The following MAP7D1 variants were observed in gnomAD, a reference collection of about 807,000 sequenced individuals.
The protein encoded by MAP7D1 is MAP7 domain-containing protein 1.
In MAP7D1, 30 loss-of-function variants were observed where a neutral mutation model predicts 97.5. The observed-to-expected ratio is 0.31, with a 90% CI of 0.23 to 0.42. MAP7D1 has a LOEUF of 0.42. Among genes scored for constraint, MAP7D1 ranks in the 10% least tolerant of loss-of-function variants. The pLI is 1.00. For missense variants in MAP7D1, 1,184 were observed against 1,179.5 expected, an observed-to-expected ratio of 1.00 and a Z score of -0.06; for synonymous variants, 536 against 477.1, an observed-to-expected ratio of 1.12 and a Z score of -1.61.
At chr1:36,175,056 C>A in intron 6 of MAP7D1, 48 bp downstream of exon 6, 1 of 1,272,870 alleles carries the variant, frequency 7.9e-7, no homozygotes, top group Non-Finnish European at 1.1e-6. Flanking sequence ...TTGTAGCTCC[C>A]ACCAAGCCTC....
chr1:36,161,731 CTG>C (rs1170709945), intron 1 of MAP7D1, among the ~76,000 whole-genome samples: 1 of 152,024 alleles, frequency 6.6e-6, no homozygotes, highest in Non-Finnish European at 1.5e-5. Context: ...CATTGTGTCT[CTG>C]TGTGCTGTGT....
chr1:36,179,180 A>AGGCC, intron 12 of MAP7D1, 82 bp from the exon 13 acceptor site: 3 of 1,548,838 alleles, frequency 1.9e-6, no homozygotes, highest in South Asian at 1.1e-5. Context: ...AGGCCCTAAG[A>AGGCC]CTCCGAGGCC....
chr1:36,172,659 A>C, intron 4 of MAP7D1, 32 bp downstream of exon 4: 2 of 1,512,740 alleles, frequency 1.3e-6, no homozygotes, highest in Admixed American at 3.8e-5. Flanking sequence ...ATCCATGTAC[A>C]CGTGTGCTCA....
In MAP7D1 at chr1:36,176,880, G is replaced by A. The variant is rs781077092; in HGVS notation, c.1379+38G>A. 2.0e-6 allele frequency: 3 copies of A among 1,512,220 alleles called. No homozygotes were observed. Among genetic ancestry groups the A allele is most frequent in the African/African-American group, 1.4e-5 (1 of 72,168 alleles). 93.7% of individuals were successfully genotyped at this position (1,512,220 alleles called of 1,614,324 possible). ...GGTGCGAGGGACCCTGCCCCTCACCGGGTCATTTATTCATCACCCACAAAT... is the reference window on the plus strand; with the variant it reads ...GGTGCGAGGGACCCTGCCCCTCACCAGGTCATTTATTCATCACCCACAAAT... On this transcript the variant is annotated intron_variant, in intron 8 of 16. Coordinates refer to ENST00000474796, the MANE Select transcript of MAP7D1 (RefSeq NM_001388490.1). This position sits in a 1 kb window ranked among gnomAD's most constrained non-coding sequence, Gnocchi z 6.1.
chr1:36,164,413 A>G (rs1281400788), intron 1 of MAP7D1, among the ~76,000 whole-genome samples: 1 of 152,196 alleles, frequency 6.6e-6, no homozygotes, highest in Non-Finnish European at 1.5e-5. Flanking sequence ...TGAAACCATG[A>G]CTATATACAA....
intron 3 of MAP7D1, 141 bp downstream of exon 3, chr1:36,171,722 C>T: frequency 2.6e-6 from 2 of 776,620 alleles, no homozygotes; most frequent in Non-Finnish European, 4.2e-6. Flanking sequence ...CACCTGAGGT[C>T]AGGAGTTTGA....
At chr1:36,157,807 G>A (rs975154639) in intron 1 of MAP7D1, among the ~76,000 whole-genome samples, 11 of 152,214 alleles carry the variant, frequency 7.2e-5, no homozygotes, top group African/African-American at 2.4e-4. Flanking sequence ...GACTGTCTGG[G>A]TGTGGGACCT....
Position 36,179,025 on chromosome 1 carries a change from GGT to G in MAP7D1, c.2130+4_2130+5del. ...AGCAAGAGCGGCAAGAGCGCAGAAA[GGT>G]GTGCGGACCTGGGCGGGGATTTGTG... On this transcript the variant is annotated splice_donor_variant, in intron 12 of 16. Coordinates refer to ENST00000474796, the MANE Select transcript of MAP7D1 (RefSeq NM_001388490.1). LOFTEE classifies it high-confidence loss of function. 6.4e-7 allele frequency: 1 copy of G among 1,552,864 alleles called. No individual in the cohort carries two copies. Among genetic ancestry groups the G allele is most frequent in the Non-Finnish European group, 8.7e-7 (1 of 1,148,270 alleles).
At position 36,180,060 on chromosome 1, in the gene MAP7D1, G is replaced by A; in HGVS notation, c.2505G>A (p.Gln835=). 1 of 1,613,802 alleles carries A rather than the reference G, an allele frequency of 6.2e-7. No individual in the cohort carries two copies. Among genetic ancestry groups the A allele is most frequent in the Non-Finnish European group, 8.5e-7 (1 of 1,179,826 alleles). ...FLKKAVVQSP[Q]VTEVL Reference sequence around the variant, plus strand: ...AGAAAGCTGTGGTGCAGTCCCCGCAGGTCACAGGTAGATCTCCTGATTCCT... The same window carrying A: ...AGAAAGCTGTGGTGCAGTCCCCGCAAGTCACAGGTAGATCTCCTGATTCCT... Residue 835 remains glutamine, a synonymous_variant, in exon 16 of 17, where the codon CAG becomes CAA. Coordinates refer to ENST00000474796, the MANE Select transcript of MAP7D1 (RefSeq NM_001388490.1).
chr1:36,161,877 A>ATGTGTGTGTGTGTGTG (rs10531948), intron 1 of MAP7D1, among the ~76,000 whole-genome samples: 13 of 139,140 alleles, frequency 9.3e-5, no homozygotes, highest in African/African-American at 3.3e-4. Context: ...GTGTGTGTGT[A>ATGTGTGTGTGTGTGTG]TGTGTGTGTG....
At chr1:36,162,445 T>C (rs1045754786) in intron 1 of MAP7D1, among the ~76,000 whole-genome samples, 2 of 152,220 alleles carry the variant, frequency 1.3e-5, no homozygotes, top group African/African-American at 4.8e-5. Flanking sequence ...GTAATGTGAC[T>C]GCCTACCAGA....
chr1:36,177,681 T>A, intron 8 of MAP7D1, 192 bp from the exon 9 acceptor site: 1 of 852,900 alleles, frequency 1.2e-6, no homozygotes, highest in Non-Finnish European at 1.8e-6. Flanking sequence ...AATCAAAGAA[T>A]CCCACAGAAA....
chr1:36,179,762 A>G lies in MAP7D1; in HGVS notation c.2318+6A>G, dbSNP rs370460966. ...CCACAGGAGCCTCAGTGGAGGTACCAGCTTCCAATCCCAGGGTCCCTGAGC... is the reference window on the plus strand; with the variant it reads ...CCACAGGAGCCTCAGTGGAGGTACCGGCTTCCAATCCCAGGGTCCCTGAGC... On this transcript the variant is annotated splice_donor_region_variant and intron_variant, in intron 15 of 16. Transcript: ENST00000474796. 5.5e-5 allele frequency: 85 copies of G among 1,533,268 alleles called. No homozygotes were observed. The African/African-American group carries it at 1.0e-3, about 18-fold the overall frequency. The allele number at this position is 1,533,268 out of a possible 1,614,324, so 95.0% of individuals were successfully genotyped here.
In MAP7D1 at chr1:36,171,162, G is replaced by GC. The variant is rs765962881; in HGVS notation, c.245dup (p.Gln83AlafsTer8). The GC allele has an allele frequency of 7.4e-6, 12 of 1,613,298 alleles. No individual in the cohort carries two copies. The highest frequency in any genetic ancestry group is 1.7e-6 in the Non-Finnish European group (2 of 1,179,664). ...CTCAGGGCAGGTCGGGCCTAGGCCAGCCCCCCCGCAGGAAGAGTCCCCTTC... is the reference window on the plus strand; with the variant it reads ...CTCAGGGCAGGTCGGGCCTAGGCCAGCCCCCCCCGCAGGAAGAGTCCCCTTC... On this transcript the variant is annotated frameshift_variant, in exon 2 of 17. Transcript: ENST00000474796. LOFTEE classifies it high-confidence loss of function.
Position 36,178,904 on chromosome 1 carries a change from A to G in MAP7D1, c.2026-17A>G. 1.9e-6 allele frequency: 3 copies of G among 1,551,674 alleles called. No homozygotes were observed. Among genetic ancestry groups the G allele is most frequent in the Non-Finnish European group, 2.6e-6 (3 of 1,147,292 alleles). ...GGCTGGAGTCAAGTGCCCCACGCTC[A>G]TGGGGGTCTTTGGCAGAAAGAGGAG... On this transcript the variant is annotated splice_polypyrimidine_tract_variant and intron_variant, in intron 11 of 16. Transcript: ENST00000474796.
Position 36,179,036 on chromosome 1 carries a change from C to CTGGGCGGGTATTTG in MAP7D1, c.2130+19_2130+20insTATTTGTGGGCGGG. On this transcript the variant is annotated intron_variant, in intron 12 of 16. Transcript: ENST00000474796. ...CAAGAGCGCAGAAAGGTGTGCGGAC[C>CTGGGCGGGTATTTG]TGGGCGGGGATTTGTGGGCGGGGCC... is the stretch of plus-strand genomic sequence containing the variant. The CTGGGCGGGTATTTG allele has an allele frequency of 8.7e-7, 1 of 1,152,120 alleles. No individual in the cohort carries two copies. 71.4% of individuals were successfully genotyped at this position (1,152,120 alleles called of 1,614,324 possible). A position where few individuals can be genotyped will look rare whatever the true frequency, so the allele number is the denominator to read the frequency against.
At position 36,180,337 on chromosome 1, in the gene MAP7D1, C is replaced by T. The variant is rs1238225232; in HGVS notation, c.*79C>T. On this transcript the variant is annotated 3_prime_UTR_variant, in exon 17 of 17. Coordinates refer to ENST00000474796, the MANE Select transcript of MAP7D1 (RefSeq NM_001388490.1). ...CCAGGATGTCTGGAGGAGAAAAAGA[C>T]AGAACAAAGATGGAAGTGGCCTGGG... 22 of 1,602,454 alleles carry T rather than the reference C, an allele frequency of 1.4e-5. No homozygotes were observed. In the Admixed American group the frequency reaches 3.5e-4, roughly 26 times the overall value.
chr1:36,179,260 A>C lies in MAP7D1; in HGVS notation c.2131-2A>C. On this transcript the variant is annotated splice_acceptor_variant, in intron 12 of 16. Transcript: ENST00000474796. LOFTEE classifies it high-confidence loss of function. Reference sequence around the variant, plus strand: ...CCTAACTGATCTGCGGCCTCCAAACAGCGTCTGGAGGAGATCATGAAGAGG... The same window carrying C: ...CCTAACTGATCTGCGGCCTCCAAACCGCGTCTGGAGGAGATCATGAAGAGG... The C allele has an allele frequency of 6.2e-7, 1 of 1,613,766 alleles. No homozygotes were observed. Among genetic ancestry groups the C allele is most frequent in the Non-Finnish European group, 8.5e-7 (1 of 1,179,760 alleles).
Position 36,156,364 on chromosome 1 carries a change from GGCCGCCGCC to G in MAP7D1, c.-42_-34del, listed in dbSNP as rs905194082. The stretch of plus-strand genomic sequence containing the variant: ...CCGCGGGACCCCTGTCCTGGCCACT[GGCCGCCGCC>G]GCCGCCGCCGCTGAGACCCCGAGAC... On this transcript the variant is annotated 5_prime_UTR_variant, in exon 1 of 17. Transcript: ENST00000474796. The G allele has an allele frequency of 1.1e-5, 16 of 1,445,852 alleles. No homozygotes were observed. Among genetic ancestry groups the G allele is most frequent in the Admixed American group, 7.0e-5 (3 of 42,682 alleles). The allele number at this position is 1,445,852 out of a possible 1,614,324, so 89.6% of individuals were successfully genotyped here. A position where few individuals can be genotyped will look rare whatever the true frequency, so the allele number is the denominator to read the frequency against.
Sources: gnomAD v4.1 joint callset for allele counts (sites outside exome capture counted in the v4.1 genomes callset) on GRCh38, gnomAD v4.1.1 for gene constraint, Gnocchi (gnomAD v3.1) non-coding constraint, MANE v1.5 for transcripts, NCBI Gene and HGNC (gene_info 2026-07-23, HGNC 2026-07-21) for gene names.